Variants in BSDC1 observed in about 807,000 individuals in gnomAD.
BSDC1 encodes the protein BSD domain-containing protein 1.
BSDC1 carries 29 observed loss-of-function variants against 56.0 expected under a neutral mutation model. The ratio of observed to expected loss-of-function variants is 0.52; its 90% CI spans 0.39 to 0.71. The LOEUF (loss-of-function observed/expected upper bound fraction) is 0.71. BSDC1 is among the 30% of genes least tolerant of loss of function. BSDC1 has a pLI of 0.00. For missense variants in BSDC1, 477 were observed against 548.5 expected, an observed-to-expected ratio of 0.87 and a Z score of 1.30; for synonymous variants, 210 against 215.3, an observed-to-expected ratio of 0.98 and a Z score of 0.21.
intron 2 of BSDC1, chr1:32,393,863 G>C: frequency 1.9e-6 from 1 of 534,238 alleles, no homozygotes; most frequent in Non-Finnish European, 3.3e-6. Context: ...GTTAACTCCA[G>C]CCTTTAAAAC....
chr1:32,379,964 T>C (rs868193944), intron 5 of BSDC1, among the ~76,000 whole-genome samples: 6 of 152,198 alleles, frequency 3.9e-5, no homozygotes, highest in Admixed American at 2.0e-4. Context: ...AAACCTTTCA[T>C]TGGCTCTCTA....
intron 9 of BSDC1, among the ~76,000 whole-genome samples, chr1:32,370,776 C>T (rs1037581971): frequency 1.5e-5 from 2 of 132,002 alleles, no homozygotes; most frequent in Admixed American, 8.9e-5. Flanking sequence ...TGCACTCCAG[C>T]CTGGGTGACA....
chr1:32,375,209 A>T (rs780888724), intron 9 of BSDC1, among the ~76,000 whole-genome samples: 1 of 152,030 alleles, frequency 6.6e-6, no homozygotes, highest in African/African-American at 2.4e-5. Context: ...GATCAAAGTC[A>T]GAAGGGAGAC....
intron 2 of BSDC1, among the ~76,000 whole-genome samples, chr1:32,393,301 CAAG>C (rs1460195979): frequency 6.6e-6 from 1 of 152,236 alleles, no homozygotes; most frequent in African/African-American, 2.4e-5. Context: ...GATTGTTCAG[CAAG>C]AAGGCCTTCC....
chr1:32,376,246 GGACCTCCA>G lies in BSDC1; in HGVS notation c.1156+8_1156+15del, dbSNP rs1642275927. 1 of 1,466,400 alleles carries G rather than the reference GGACCTCCA, an allele frequency of 6.8e-7. No individual in the cohort carries two copies. Among genetic ancestry groups the G allele is most frequent in the Non-Finnish European group, 9.1e-7 (1 of 1,099,092 alleles). The allele number at this position is 1,466,400 out of a possible 1,614,324, so 90.8% of individuals were successfully genotyped here. ...TGACCGCACACAACCCTCTGGGCTT[GGACCTCCA>G]GACCTACCTTTCTTTCCATTGTTGG... On this transcript the variant is annotated splice_region_variant and intron_variant, in intron 9 of 10. Coordinates refer to ENST00000455895, the MANE Select transcript of BSDC1 (RefSeq NM_018045.8).
chr1:32,379,751 G>C (rs1252180925), intron 5 of BSDC1, among the ~76,000 whole-genome samples: 1 of 152,176 alleles, frequency 6.6e-6, no homozygotes, highest in African/African-American at 2.4e-5. Flanking sequence ...ATCATGCCTG[G>C]CTAACTTGTG....
chr1:32,379,482 C>T (rs770887663), intron 5 of BSDC1, among the ~76,000 whole-genome samples: 4 of 152,180 alleles, frequency 2.6e-5, no homozygotes, highest in Non-Finnish European at 5.9e-5. Flanking sequence ...CCTGCAAACA[C>T]ACCGTGTGCT....
At chr1:32,384,057 T>TG (rs745542535) in intron 3 of BSDC1, 60 bp from the exon 4 acceptor site, 2 of 1,610,250 alleles carry the variant, frequency 1.2e-6, no homozygotes, top group African/African-American at 1.3e-5. Context: ...ATCTGGGGTA[T>TG]GGGGGTAAAA....
intron 3 of BSDC1, among the ~76,000 whole-genome samples, chr1:32,384,442 T>G (rs532731186): frequency 2.6e-5 from 4 of 152,190 alleles, no homozygotes; most frequent in African/African-American, 9.6e-5. Flanking sequence ...CTCAGTTTCC[T>G]TATTATAAAA....
At chr1:32,386,988 G>T in intron 2 of BSDC1, 93 bp from the exon 3 acceptor site, 1 of 961,692 alleles carries the variant, frequency 1.0e-6, no homozygotes, top group Non-Finnish European at 1.6e-6. Flanking sequence ...ACAGACAAAT[G>T]GAAATCTCCA....
intron 4 of BSDC1, among the ~76,000 whole-genome samples, chr1:32,382,733 C>T (rs1026353936): frequency 2.7e-5 from 4 of 148,134 alleles, no homozygotes; most frequent in African/African-American, 5.0e-5. Context: ...TGGTGGTGCA[C>T]GCCTGTGGTC....
intron 8 of BSDC1, among the ~76,000 whole-genome samples, 184 bp downstream of exon 8, chr1:32,377,786 G>A (rs571712845): frequency 2.6e-4 from 40 of 152,292 alleles, no homozygotes; most frequent in Middle Eastern, 3.4e-3. Flanking sequence ...TAGCTAAATC[G>A]GAATTCCACT....
intron 10 of BSDC1, chr1:32,367,315 T>G: frequency 1.0e-6 from 1 of 985,384 alleles, no homozygotes; most frequent in South Asian, 4.7e-5. Context: ...CGTCAGGTTT[T>G]AAAGGGGGCT....
At chr1:32,371,415 A>T (rs1292739179) in intron 9 of BSDC1, among the ~76,000 whole-genome samples, 1 of 147,756 alleles carries the variant, frequency 6.8e-6, no homozygotes, top group East Asian at 2.0e-4. Flanking sequence ...GGTTCACACC[A>T]TTCTCCTGCC....
chr1:32,381,310 C>T, intron 4 of BSDC1, 42 bp from the exon 5 acceptor site: 1 of 1,592,060 alleles, frequency 6.3e-7, no homozygotes, highest in Non-Finnish European at 8.6e-7. Flanking sequence ...TTCTGAGATA[C>T]TGGGCATAGA....
intron 4 of BSDC1, 82 bp downstream of exon 4, chr1:32,383,748 G>A (rs1465520167): frequency 1.0e-5 from 14 of 1,341,370 alleles, no homozygotes; most frequent in Non-Finnish European, 1.3e-5. Flanking sequence ...CTGAACATGG[G>A]CTGCTTTTGT....
At position 32,366,242 on chromosome 1, in the gene BSDC1, A is replaced by G; in HGVS notation, c.*380T>C. On this transcript the variant is annotated 3_prime_UTR_variant, in exon 11 of 11. Coordinates refer to ENST00000455895, the MANE Select transcript of BSDC1 (RefSeq NM_018045.8). Reference sequence around the variant, plus strand: ...GTATGTTGTCTCAGCTTCCTCCGAGAGAGACTGGTGGTTTAGCTTCTGTCT... The same window carrying G: ...GTATGTTGTCTCAGCTTCCTCCGAGGGAGACTGGTGGTTTAGCTTCTGTCT... The G allele has an allele frequency of 2.6e-6, 1 of 390,080 alleles. No individual in the cohort carries two copies. Among genetic ancestry groups the G allele is most frequent in the Non-Finnish European group, 4.9e-6 (1 of 204,090 alleles). 24.2% of individuals were successfully genotyped at this position (390,080 alleles called of 1,614,324 possible).
At chr1:32,368,006 G>A in intron 10 of BSDC1, 1 of 1,141,374 alleles carries the variant, frequency 8.8e-7, no homozygotes, top group Non-Finnish European at 1.1e-6. Flanking sequence ...AGGTCAGGCA[G>A]GGTTTGATGT....
At chr1:32,371,604 C>A (rs1642090149) in intron 9 of BSDC1, among the ~76,000 whole-genome samples, 1 of 152,162 alleles carries the variant, frequency 6.6e-6, no homozygotes, top group African/African-American at 2.4e-5. Context: ...GCCACCGCAC[C>A]CAGCCTGTAG....
Sources: allele counts gnomAD v4.1 joint callset (sites outside exome capture counted in the v4.1 genomes callset), GRCh38; gene constraint gnomAD v4.1.1; transcripts MANE v1.5; gene names NCBI Gene and HGNC (gene_info 2026-07-23, HGNC 2026-07-21).